Variants in KPNA6 observed in about 807,000 individuals in gnomAD.
KPNA6 encodes the protein importin subunit alpha-7.
In KPNA6, 9 loss-of-function variants were observed where a neutral mutation model predicts 72.0. The observed-to-expected ratio is 0.13, with a 90% confidence interval of 0.08 to 0.22. KPNA6 has a LOEUF of 0.22. KPNA6 is among the 10% of genes least tolerant of loss of function. KPNA6 has a pLI of 1.00. For missense variants in KPNA6, 374 were observed against 655.7 expected (o/e 0.57, Z 4.69); for synonymous variants, 219 against 242.1 (o/e 0.90, Z 0.89).
chr1:32,145,356 G>A (rs1045668780), intron 1 of KPNA6, among the ~76,000 whole-genome samples: 3 of 149,544 alleles, frequency 2.0e-5, no homozygotes, highest in Middle Eastern at 3.5e-3. Flanking sequence ...GATGGAGCAA[G>A]CTCTGTTCCC....
chr1:32,128,985 T>A (rs946702654), intron 1 of KPNA6, among the ~76,000 whole-genome samples: 3 of 152,136 alleles, frequency 2.0e-5, no homozygotes, highest in African/African-American at 7.2e-5. Context: ...GTTGCACAAT[T>A]ATTAAGTAGC....
intron 1 of KPNA6, among the ~76,000 whole-genome samples, chr1:32,125,990 A>C (rs1001761299): frequency 3.3e-5 from 5 of 151,284 alleles, no homozygotes; most frequent in South Asian, 2.1e-4. Context: ...AAAAAAAAAA[A>C]AAAAAAAAAA....
chr1:32,168,366 C>G (rs986928699), intron 12 of KPNA6, among the ~76,000 whole-genome samples: 1 of 152,116 alleles, frequency 6.6e-6, no homozygotes, highest in Non-Finnish European at 1.5e-5. Context: ...ATTTTTTGTA[C>G]TTTTAGTAGA....
chr1:32,152,158 C>T (rs566208652), intron 1 of KPNA6, among the ~76,000 whole-genome samples: 1 of 151,888 alleles, frequency 6.6e-6, no homozygotes, highest in South Asian at 2.1e-4. Context: ...GTGAGACCCC[C>T]ATCTCTACAA....
intron 1 of KPNA6, among the ~76,000 whole-genome samples, chr1:32,118,593 C>T (rs547340837): frequency 1.3e-5 from 2 of 151,712 alleles, no homozygotes; most frequent in African/African-American, 4.8e-5. Context: ...CAAGGAGTTC[C>T]AGACCAGTCT....
At chr1:32,131,484 A>G (rs1009168002) in intron 1 of KPNA6, among the ~76,000 whole-genome samples, 1 of 152,104 alleles carries the variant, frequency 6.6e-6, no homozygotes, top group African/African-American at 2.4e-5. Context: ...CCCTGTCTCT[A>G]CTTTTATTTT....
At chr1:32,147,641 ATTTCTTTTC>A (rs1641952450) in intron 1 of KPNA6, among the ~76,000 whole-genome samples, 1 of 86,396 alleles carries the variant, frequency 1.2e-5, no homozygotes, top group African/African-American at 4.4e-5. Context: ...GACTTTCGTG[ATTTCTTTTC>A]TTTTTTTTTT....
intron 1 of KPNA6, among the ~76,000 whole-genome samples, chr1:32,132,961 C>T (rs542449182): frequency 1.3e-5 from 2 of 152,194 alleles, no homozygotes; most frequent in East Asian, 3.9e-4. Context: ...TCTCAAACTC[C>T]TGGGCTCCGG....
intron 1 of KPNA6, among the ~76,000 whole-genome samples, chr1:32,138,851 C>G (rs1641787922): frequency 6.6e-6 from 1 of 152,126 alleles, no homozygotes; most frequent in Non-Finnish European, 1.5e-5. Context: ...ATTTAACAGT[C>G]TAAACTGGCT....
At position 32,171,988 on chromosome 1, in the gene KPNA6, T is replaced by C. The variant is rs1257709163; in HGVS notation, c.*1094T>C. On this transcript the variant is annotated 3_prime_UTR_variant, in exon 14 of 14. Coordinates refer to ENST00000373625, the MANE Select transcript of KPNA6 (RefSeq NM_012316.5). The stretch of plus-strand genomic sequence containing the variant: ...TGCCTTTGGCCTTTCTTCTTCTTCT[T>C]CTTCCTCTTCCATAGTTGGATCATG... 1 of 152,242 alleles carries C rather than the reference T, an allele frequency of 6.6e-6. No homozygotes were observed. Among genetic ancestry groups the C allele is most frequent in the Non-Finnish European group, 1.5e-5 (1 of 68,084 alleles). The allele number at this position is 152,242 out of a possible 1,614,324, so 9.4% of individuals were successfully genotyped here.
Position 32,171,024 on chromosome 1 carries a change from T to A in KPNA6, c.*130T>A. 1.3e-6 allele frequency: 1 copy of A among 772,842 alleles called. No homozygotes were observed. The highest frequency in any genetic ancestry group is 2.1e-6 in the Non-Finnish European group (1 of 476,230). The allele number at this position is 772,842 out of a possible 1,614,324, so 47.9% of individuals were successfully genotyped here. ...ACCTCTGCTGCCCTGGAGACTGTGC[T>A]CTTGACCTGCTCCGCCCCCTTCCCT... On this transcript the variant is annotated 3_prime_UTR_variant, in exon 14 of 14. Coordinates refer to ENST00000373625, the MANE Select transcript of KPNA6 (RefSeq NM_012316.5).
chr1:32,176,348 CAATA>C lies in KPNA6; in HGVS notation c.*5457_*5460del, dbSNP rs1260984959. 1 of 152,050 alleles carries C rather than the reference CAATA, an allele frequency of 6.6e-6. No individual in the cohort carries two copies. The highest frequency in any genetic ancestry group is 1.5e-5 in the Non-Finnish European group (1 of 68,032). 9.4% of individuals were successfully genotyped at this position (152,050 alleles called of 1,614,324 possible). A position where few individuals can be genotyped will look rare whatever the true frequency, so the allele number is the denominator to read the frequency against. On this transcript the variant is annotated 3_prime_UTR_variant, in exon 14 of 14. Coordinates refer to ENST00000373625, the MANE Select transcript of KPNA6 (RefSeq NM_012316.5). ...TCATTTGCTTTTATTTTTCTAATAA[CAATA>C]AACTCTATTTTCCATGTTCTCAGGG...
chr1:32,147,656 T>C (rs1489990363), intron 1 of KPNA6, among the ~76,000 whole-genome samples: 4 of 130,274 alleles, frequency 3.1e-5, no homozygotes, highest in African/African-American at 6.4e-5. Context: ...TTTTCTTTTT[T>C]TTTTTTTTTT....
rs1642369436 is a variant in KPNA6, at chr1:32,167,921, C to T, written c.1244+625C>T. 2.0e-5 allele frequency among the ~76,000 whole-genome samples: 3 copies of T among 151,778 alleles called. No homozygotes were observed. The South Asian group carries it at 6.2e-4, about 31-fold the overall frequency. On this transcript the variant is annotated intron_variant, in intron 12 of 13. Transcript: ENST00000373625. ...TGGCTCATGTCTGTTATCCCAGCAC[C>T]TTGGGAAGCTGAAGCAGGAGGATCC...
chr1:32,143,076 T>A (rs1479957722), intron 1 of KPNA6: 1 of 1,039,526 alleles, frequency 9.6e-7, no homozygotes, highest in Non-Finnish European at 1.3e-6. Context: ...TGTTGTCTAC[T>A]CTGTTAGTCT....
intron 12 of KPNA6, among the ~76,000 whole-genome samples, 187 bp downstream of exon 12, chr1:32,167,483 G>A (rs1383283506): frequency 6.6e-6 from 1 of 151,938 alleles, no homozygotes; most frequent in Non-Finnish European, 1.5e-5. Context: ...TGTAAGCCAT[G>A]TGGGAATCTA....
intron 1 of KPNA6, among the ~76,000 whole-genome samples, chr1:32,139,675 A>T (rs548603950): frequency 6.6e-6 from 1 of 152,290 alleles, no homozygotes; most frequent in South Asian, 2.1e-4. Flanking sequence ...GGGGGAGAGG[A>T]GGATGGACAT....
chr1:32,108,976 C>T (rs1042458378), intron 1 of KPNA6, among the ~76,000 whole-genome samples: 1 of 152,226 alleles, frequency 6.6e-6, no homozygotes, highest in African/African-American at 2.4e-5. Context: ...ATTTGCTAAG[C>T]TCTTTCTACG....
At chr1:32,117,265 C>T (rs865832942) in intron 1 of KPNA6, among the ~76,000 whole-genome samples, 7 of 151,828 alleles carry the variant, frequency 4.6e-5, no homozygotes, top group East Asian at 3.9e-4. Context: ...CTCCACCCTC[C>T]GGGTTCAAAT....
Sources: gnomAD v4.1 joint callset for allele counts (sites outside exome capture counted in the v4.1 genomes callset) on GRCh38, gnomAD v4.1.1 for gene constraint, MANE v1.5 for transcripts, NCBI Gene and HGNC (gene_info 2026-07-23, HGNC 2026-07-21) for gene names.